Variants in AOAH observed in about 807,000 individuals in gnomAD.
AOAH encodes acyloxyacyl hydrolase (neutrophil).
Under a neutral mutation model 92.2 loss-of-function variants are expected in AOAH, and 64 were observed. That is an observed-to-expected ratio of 0.69 (90% CI 0.57 to 0.86). AOAH has a LOEUF of 0.86. Ranked by LOEUF, AOAH falls within the 40% of genes least tolerant of loss-of-function variation. The probability of loss-of-function intolerance (pLI) is 0.00; values close to 1 mark genes in which losing one functional copy is unlikely to be tolerated. For synonymous variants in AOAH, 263 were observed against 254.5 expected (o/e 1.03, Z -0.32); for missense variants, 656 against 694.6 (o/e 0.94, Z 0.62).
chr7:36,660,188 A>C (rs1786523663), intron 3 of AOAH, among the ~76,000 whole-genome samples: 1 of 152,142 alleles, frequency 6.6e-6, no homozygotes, highest in Non-Finnish European at 1.5e-5. Flanking sequence ...GCCCACTTGC[A>C]CCCAAGTGAA....
At chr7:36,533,843 GA>G (rs1277177496) in intron 16 of AOAH, among the ~76,000 whole-genome samples, 1 of 152,140 alleles carries the variant, frequency 6.6e-6, no homozygotes, top group Non-Finnish European at 1.5e-5. Context: ...GGCTACCACT[GA>G]GTTGCGGCCT....
chr7:36,611,410 C>G (rs988535963), intron 11 of AOAH, among the ~76,000 whole-genome samples: 11 of 152,174 alleles, frequency 7.2e-5, no homozygotes, highest in African/African-American at 2.4e-4. Context: ...GGGAGTAACC[C>G]AAACCAATAC....
chr7:36,684,906 C>CAAAA (rs57827044), intron 2 of AOAH, among the ~76,000 whole-genome samples: 21 of 60,010 alleles, frequency 3.5e-4, no homozygotes, highest in South Asian at 9.8e-4. Context: ...GACCTTGTCT[C>CAAAA]AAAAAAAAAA....
chr7:36,708,875 G>A (rs1422704111), intron 1 of AOAH, among the ~76,000 whole-genome samples: 1 of 152,080 alleles, frequency 6.6e-6, no homozygotes, highest in African/African-American at 2.4e-5. Flanking sequence ...TGTAAGGTGT[G>A]GTAACCCTAC....
chr7:36,663,250 TC>T (rs1380161279), intron 3 of AOAH, among the ~76,000 whole-genome samples: 1 of 152,266 alleles, frequency 6.6e-6, no homozygotes, highest in African/African-American at 2.4e-5. Flanking sequence ...ATGCACAGGC[TC>T]CCCTATTATC....
rs1317452294 is a variant in AOAH at position 36,650,117 on chromosome 7, CCCACCACCG to C, written c.390+9040_390+9048del. On this transcript the variant is annotated intron_variant, in intron 4 of 20. Coordinates refer to ENST00000617537, the MANE Select transcript of AOAH (RefSeq NM_001637.4). ...GTGGCTTCTGCCATCTTGGAAGCGG[CCCACCACCG>C]TCTTGGAAGCGGCCCACCACCGTCT... is the stretch of plus-strand genomic sequence containing the variant. Among the ~76,000 whole-genome samples, 6 of 5,974 alleles carry C rather than the reference CCCACCACCG, an allele frequency of 1.0e-3. No homozygotes were observed. The African/African-American group carries it at 0.018, about 18-fold the overall frequency. 3.9% of individuals were successfully genotyped at this position (5,974 alleles called of 152,430 possible). A position where few individuals can be genotyped will look rare whatever the true frequency, so the allele number is the denominator to read the frequency against.
In AOAH at chr7:36,659,323, G is replaced by C. The variant is rs1415790369; in HGVS notation, c.291-58C>G. ...CAGATCTCTTAGGCATTAGGAAACA[G>C]AAGCTACTGCAAAGAAAGGTAAATC... On this transcript the variant is annotated intron_variant, in intron 3 of 20. Coordinates refer to ENST00000617537, the MANE Select transcript of AOAH (RefSeq NM_001637.4). 5.1e-6 allele frequency: 7 copies of C among 1,374,158 alleles called. No homozygotes were observed. In the Middle Eastern group the frequency reaches 8.9e-4, roughly 175 times the overall value. 85.1% of individuals were successfully genotyped at this position (1,374,158 alleles called of 1,614,324 possible).
chr7:36,581,677 A>C (rs1342975039), intron 12 of AOAH, among the ~76,000 whole-genome samples: 4 of 152,206 alleles, frequency 2.6e-5, no homozygotes, highest in Admixed American at 2.6e-4. Flanking sequence ...TGTTTTGCTC[A>C]TGTCCTGCTC....
intron 13 of AOAH, among the ~76,000 whole-genome samples, chr7:36,571,609 A>C (rs150803432): frequency 6.4e-4 from 97 of 152,126 alleles, no homozygotes; most frequent in African/African-American, 2.2e-3. Context: ...CTGCTCACTT[A>C]TGTCAATCTT....
intron 3 of AOAH, among the ~76,000 whole-genome samples, chr7:36,664,904 G>C (rs968539772): frequency 3.3e-5 from 5 of 152,212 alleles, no homozygotes; most frequent in Middle Eastern, 3.2e-3. Context: ...AGGAGTGAGA[G>C]AGTGAGGGGG....
At chr7:36,701,674 C>T (rs973275761) in intron 1 of AOAH, among the ~76,000 whole-genome samples, 1 of 151,456 alleles carries the variant, frequency 6.6e-6, no homozygotes, top group African/African-American at 2.4e-5. Context: ...TATTTTCAAC[C>T]TATTGTGTGT....
intron 2 of AOAH, among the ~76,000 whole-genome samples, chr7:36,678,579 G>T (rs796900551): frequency 8.3e-6 from 1 of 119,842 alleles, no homozygotes; most frequent in African/African-American, 5.0e-5. Flanking sequence ...GTGTGTGTGT[G>T]TGTGTGTGTG....
intron 11 of AOAH, among the ~76,000 whole-genome samples, chr7:36,611,320 G>C (rs1257341537): frequency 1.3e-5 from 2 of 152,158 alleles, no homozygotes; most frequent in African/African-American, 4.8e-5. Context: ...CCAATGAACT[G>C]TTATGCCTGA....
intron 1 of AOAH, among the ~76,000 whole-genome samples, chr7:36,696,231 C>T (rs4407768): frequency 0.017 from 2,606 of 152,174 alleles, 83 homozygotes; most frequent in African/African-American, 0.06. Flanking sequence ...TCTCCAATAC[C>T]GTTCTTCAAA....
In AOAH at chr7:36,540,567, A is replaced by C. The variant is rs891214777; in HGVS notation, c.1134-76T>G. On this transcript the variant is annotated intron_variant, in intron 15 of 20. Transcript: ENST00000617537. ...CATGCAAGTTGCACGCAAATACAAG[A>C]TACATCACACACACATACGCACACA... is the stretch of plus-strand genomic sequence containing the variant. 6 of 1,304,142 alleles carry C rather than the reference A, an allele frequency of 4.6e-6. No individual in the cohort carries two copies. In the African/African-American group the frequency reaches 8.8e-5, roughly 19 times the overall value. 80.8% of individuals were successfully genotyped at this position (1,304,142 alleles called of 1,614,324 possible). A position where few individuals can be genotyped will look rare whatever the true frequency, so the allele number is the denominator to read the frequency against.
chr7:36,577,178 G>A (rs1788576469), intron 12 of AOAH, among the ~76,000 whole-genome samples: 1 of 152,116 alleles, frequency 6.6e-6, no homozygotes, highest in African/African-American at 2.4e-5. Context: ...AATGAGGATT[G>A]CGTTTTCCAG....
At chr7:36,723,640 G>A (rs1799791412) in intron 1 of AOAH, among the ~76,000 whole-genome samples, 1 of 152,182 alleles carries the variant, frequency 6.6e-6, no homozygotes, top group Admixed American at 6.5e-5. Context: ...TAGGAAATGG[G>A]AGAGAAGGGT....
At chr7:36,520,060 T>G (rs539738575) in intron 20 of AOAH, among the ~76,000 whole-genome samples, 1 of 152,364 alleles carries the variant, frequency 6.6e-6, no homozygotes, top group South Asian at 2.1e-4. Context: ...TACCAGCATG[T>G]GAACAAGTCT....
At position 36,566,791 on chromosome 7, in the gene AOAH, C is replaced by T. The variant is rs1037163692; in HGVS notation, c.1021+9783G>A. 8.5e-5 allele frequency among the ~76,000 whole-genome samples: 13 copies of T among 152,254 alleles called. 1 individual carries two copies. Among genetic ancestry groups the T allele is most frequent in the African/African-American group, 1.9e-4 (8 of 41,546 alleles). On this transcript the variant is annotated intron_variant, in intron 13 of 20. Transcript: ENST00000617537. ...TGACTAGTAAGGGAAAAATGCCTCA[C>T]GTAAGCATGCGTGTAACTTCAGTGA...
Sources: gnomAD v4.1 joint callset for allele counts (sites outside exome capture counted in the v4.1 genomes callset) on GRCh38, gnomAD v4.1.1 for gene constraint, MANE v1.5 for transcripts, NCBI Gene and HGNC (gene_info 2026-07-23, HGNC 2026-07-21) for gene names.